The following PEAK1 variants were observed in gnomAD, a reference collection of about 807,000 sequenced individuals.
PEAK1 encodes the protein inactive tyrosine-protein kinase PEAK1.
A neutral mutation model predicts 124.7 loss-of-function variants in PEAK1; 54 were observed. That is an observed-to-expected ratio of 0.43 (90% CI 0.35 to 0.54). PEAK1 has a LOEUF of 0.54. Among genes scored for constraint, PEAK1 ranks in the 20% least tolerant of loss-of-function variants. The probability of loss-of-function intolerance (pLI) is 0.01; values close to 1 mark genes in which losing one functional copy is unlikely to be tolerated. For synonymous variants in PEAK1, 719 were observed against 760.0 expected, an observed-to-expected ratio of 0.95 and a Z score of 0.89; for missense variants, 2,046 against 2,134.5, an observed-to-expected ratio of 0.96 and a Z score of 0.82.
chr15:77,123,947 T>C (rs1160430613), intron 9 of PEAK1, among the ~76,000 whole-genome samples: 1 of 152,190 alleles, frequency 6.6e-6, no homozygotes, highest in African/African-American at 2.4e-5. Flanking sequence ...GAAAATTAAA[T>C]ATTGTTTGGA....
chr15:77,212,055 G>T (rs1567120618), intron 6 of PEAK1, among the ~76,000 whole-genome samples: 1 of 151,838 alleles, frequency 6.6e-6, no homozygotes, highest in Non-Finnish European at 1.5e-5. Flanking sequence ...GTATGGGAAA[G>T]AACTAATAAC....
At chr15:77,337,256 A>G (rs900416556) in intron 2 of PEAK1, 50 of 926,952 alleles carry the variant, frequency 5.4e-5, no homozygotes, top group African/African-American at 1.6e-4. Flanking sequence ...TCCACTAGGG[A>G]AAAAAAAAAG....
At chr15:77,307,788 G>A (rs1416134400) in intron 2 of PEAK1, among the ~76,000 whole-genome samples, 1 of 152,014 alleles carries the variant, frequency 6.6e-6, no homozygotes, top group Non-Finnish European at 1.5e-5. Flanking sequence ...CTGGCAAATA[G>A]TCCAAGTACT....
chr15:77,211,992 T>G (rs985274032), intron 6 of PEAK1, among the ~76,000 whole-genome samples: 1 of 152,130 alleles, frequency 6.6e-6, no homozygotes, highest in Non-Finnish European at 1.5e-5. Flanking sequence ...TTTACTGAGT[T>G]CCTCATCTTA....
chr15:77,301,167 C>A (rs2063765565), intron 2 of PEAK1, among the ~76,000 whole-genome samples: 1 of 152,186 alleles, frequency 6.6e-6, no homozygotes, highest in South Asian at 2.1e-4. Context: ...GGGCTGCACT[C>A]TCTTAGAAGT....
rs146458404 is a variant in PEAK1 at position 77,225,629 on chromosome 15, ATGTGTG to A, written c.-115+26732_-115+26737del. On this transcript the variant is annotated intron_variant, in intron 6 of 9. Transcript: ENST00000682557. ...GAAATCTGAGCAAGACTTTCTACAG[ATGTGTG>A]TGTGTGTGTGTGTGTGTGTGTGTGT... 8.9e-4 allele frequency among the ~76,000 whole-genome samples: 103 copies of A among 115,774 alleles called. 1 individual carries two copies. The Middle Eastern group carries it at 0.021, about 24-fold the overall frequency. The allele number at this position is 115,774 out of a possible 152,430, so 76.0% of individuals were successfully genotyped here.
intron 2 of PEAK1, among the ~76,000 whole-genome samples, chr15:77,360,921 TAGA>T (rs1448478315): frequency 1.3e-5 from 2 of 151,888 alleles, no homozygotes; most frequent in African/African-American, 4.8e-5. Context: ...ATAAAACCAC[TAGA>T]AGAAGACATA....
At chr15:77,415,467 C>A (rs1595890632) in intron 1 of PEAK1, among the ~76,000 whole-genome samples, 1 of 152,104 alleles carries the variant, frequency 6.6e-6, no homozygotes, top group African/African-American at 2.4e-5. Flanking sequence ...CATTATGTTG[C>A]CCAGGCTGGC....
intron 2 of PEAK1, among the ~76,000 whole-genome samples, chr15:77,342,449 T>C (rs2066604902): frequency 6.8e-6 from 1 of 147,944 alleles, no homozygotes; most frequent in Admixed American, 6.8e-5. Context: ...CTCTGTCACC[T>C]AGGCTGGAAT....
intron 2 of PEAK1, among the ~76,000 whole-genome samples, chr15:77,305,283 A>G (rs2064034183): frequency 6.6e-6 from 1 of 152,186 alleles, no homozygotes; most frequent in Admixed American, 6.5e-5. Context: ...AATAAATTAG[A>G]AATCACTAAA....
At chr15:77,116,694 A>G (rs905583197) in intron 9 of PEAK1, among the ~76,000 whole-genome samples, 2 of 137,822 alleles carry the variant, frequency 1.5e-5, no homozygotes, top group African/African-American at 5.5e-5. Context: ...TGCCATGGAA[A>G]TCAATCAATC....
intron 2 of PEAK1, among the ~76,000 whole-genome samples, chr15:77,288,819 C>T (rs2063060054): frequency 6.6e-6 from 1 of 151,334 alleles, no homozygotes; most frequent in Admixed American, 6.6e-5. Context: ...GTCCCAGCTA[C>T]TCGGGAGACT....
At chr15:77,396,496 A>G (rs1434056575) in intron 1 of PEAK1, among the ~76,000 whole-genome samples, 1 of 152,244 alleles carries the variant, frequency 6.6e-6, no homozygotes, top group African/African-American at 2.4e-5. Flanking sequence ...TTTAAAAAAA[A>G]CCAACAAAAA....
rs747916009 is a variant in PEAK1, at chr15:77,179,201, A to G, written c.2726T>C (p.Leu909Ser). The change falls in exon 7 of 10, where the codon TTG becomes TCG. Residue 909 changes from leucine (L) to serine (S), a missense_variant. Physicochemically the swap from Leu to Ser is moderately radical, Grantham distance 145. Transcript: ENST00000682557. ...TGCCCGCCTGCTGCCTTCAGAGTGCAAAACTGATTCAGCTTCTGTTGACCT... is the reference window on the plus strand; with the variant it reads ...TGCCCGCCTGCTGCCTTCAGAGTGCGAAACTGATTCAGCTTCTGTTGACCT... Reference protein sequence around the residue: ...PTRSTEAESVLHSEGSRRAAD... With the variant: ...PTRSTEAESVSHSEGSRRAAD... 2 of 1,614,222 alleles carry G rather than the reference A, an allele frequency of 1.2e-6. No homozygotes were observed. Among genetic ancestry groups the G allele is most frequent in the Non-Finnish European group, 1.7e-6 (2 of 1,180,040 alleles).
chr15:77,312,116 G>A (rs1416415033), intron 2 of PEAK1, among the ~76,000 whole-genome samples: 1 of 152,096 alleles, frequency 6.6e-6, no homozygotes, highest in Non-Finnish European at 1.5e-5. Flanking sequence ...AAAACAGGGC[G>A]TGGGGAGTTA....
chr15:77,135,134 G>C (rs1307177561), intron 8 of PEAK1, among the ~76,000 whole-genome samples: 1 of 152,176 alleles, frequency 6.6e-6, no homozygotes, highest in Non-Finnish European at 1.5e-5. Flanking sequence ...CTCCATAACT[G>C]TGAGAGAATA....
chr15:77,273,220 C>T (rs569770880), intron 5 of PEAK1, among the ~76,000 whole-genome samples: 1 of 152,232 alleles, frequency 6.6e-6, no homozygotes, highest in Admixed American at 6.5e-5. Context: ...CAAGGATGTC[C>T]ACTTTCACCA....
At chr15:77,246,519 CA>C (rs1165180043) in intron 6 of PEAK1, among the ~76,000 whole-genome samples, 7 of 150,900 alleles carry the variant, frequency 4.6e-5, no homozygotes, top group South Asian at 4.3e-4. Flanking sequence ...TGTCACAAAC[CA>C]AAAAACAACT....
chr15:77,380,193 C>T (rs1054509044), intron 1 of PEAK1, among the ~76,000 whole-genome samples: 1 of 152,082 alleles, frequency 6.6e-6, no homozygotes, highest in African/African-American at 2.4e-5. Flanking sequence ...GGCCTGGGAG[C>T]TAGAATCGGT....
Sources: allele counts gnomAD v4.1 joint callset (sites outside exome capture counted in the v4.1 genomes callset), GRCh38; gene constraint gnomAD v4.1.1; transcripts MANE v1.5; gene names NCBI Gene and HGNC (gene_info 2026-07-23, HGNC 2026-07-21).